MAL2: variants seen among roughly 807,000 people sequenced by gnomAD.
MAL2 encodes protein MAL2.
MAL2 carries 17 observed loss-of-function variants against 18.1 expected under a neutral mutation model. The ratio of observed to expected loss-of-function variants is 0.94; its 90% confidence interval spans 0.64 to 1.41. The LOEUF is 1.41. MAL2 is among the 40% of genes most tolerant of loss of function. MAL2 has a pLI of 0.00. For missense variants in MAL2, 222 were observed against 231.9 expected, an observed-to-expected ratio of 0.96 and a Z score of 0.28; for synonymous variants, 102 against 102.3, an observed-to-expected ratio of 1.00 and a Z score of 0.02.
chr8:119,219,511 C>T (rs545153778), intron 1 of MAL2, among the ~76,000 whole-genome samples: 15 of 145,516 alleles, frequency 1.0e-4, no homozygotes, highest in African/African-American at 3.9e-4. Flanking sequence ...TGCTCTATCA[C>T]TCTCCCTGGG....
intron 2 of MAL2, among the ~76,000 whole-genome samples, chr8:119,224,743 G>A (rs534796639): frequency 2.0e-5 from 3 of 152,106 alleles, no homozygotes; most frequent in African/African-American, 4.8e-5. Flanking sequence ...CACTCTGTAT[G>A]CCTTTGCATG....
At chr8:119,226,319 G>A (rs1037672796) in intron 2 of MAL2, among the ~76,000 whole-genome samples, 9 of 151,844 alleles carry the variant, frequency 5.9e-5, no homozygotes, top group Admixed American at 3.3e-4. Flanking sequence ...TTTTGTATAA[G>A]GTGTAAGGAA....
rs1817869890 is a variant in MAL2, at chr8:119,235,605, A to G, written c.304-4560A>G. 2.6e-5 allele frequency among the ~76,000 whole-genome samples: 4 copies of G among 152,168 alleles called. No homozygotes were observed. The South Asian group carries it at 6.2e-4, about 24-fold the overall frequency. ...TCAGACTAACAGCGGGTCTCTTGGC[A>G]GAAACCCTACAAGCCAGAAGAGAGT... On this transcript the variant is annotated intron_variant, in intron 2 of 3. Transcript: ENST00000614891.
Position 119,208,891 on chromosome 8 carries a change from G to A in MAL2, c.132+287G>A. ...CCGAACATTGGGGACGTGGAGGAAA[G>A]AAAGGTGTTGGGGCTCAGAGGCGCC... On this transcript the variant is annotated intron_variant, in intron 1 of 3. Coordinates refer to ENST00000614891, the MANE Select transcript of MAL2 (RefSeq NM_052886.3). The surrounding 1 kb of genome is among the most constrained non-coding windows in gnomAD (Gnocchi z 4.3). 1 of 279,140 alleles carries A rather than the reference G, an allele frequency of 3.6e-6. No individual in the cohort carries two copies. Among genetic ancestry groups the A allele is most frequent in the Non-Finnish European group, 6.4e-6 (1 of 156,852 alleles). The allele number at this position is 279,140 out of a possible 1,614,324, so 17.3% of individuals were successfully genotyped here. A position where few individuals can be genotyped will look rare whatever the true frequency, so the allele number is the denominator to read the frequency against.
chr8:119,226,847 T>C (rs1817607741), intron 2 of MAL2, among the ~76,000 whole-genome samples: 1 of 152,148 alleles, frequency 6.6e-6, no homozygotes, highest in Non-Finnish European at 1.5e-5. Flanking sequence ...TTAAACAAGC[T>C]CTCCAGGTGG....
intron 3 of MAL2, among the ~76,000 whole-genome samples, chr8:119,242,131 G>T (rs1175466753): frequency 1.3e-5 from 2 of 152,136 alleles, no homozygotes; most frequent in African/African-American, 4.8e-5. Flanking sequence ...TTGTATCTTG[G>T]ATCATTGAAG....
Position 119,245,038 on chromosome 8 carries a change from CAA to C in MAL2, c.*1551_*1552del, listed in dbSNP as rs1483275700. ...AGTGGCATGATCCGTGCTTAATGAT[CAA>C]GTGTTACTTATCTAATAATCCTCTA... On this transcript the variant is annotated 3_prime_UTR_variant, in exon 4 of 4. Coordinates refer to ENST00000614891, the MANE Select transcript of MAL2 (RefSeq NM_052886.3). 5.9e-5 allele frequency: 9 copies of C among 152,548 alleles called. No homozygotes were observed. The highest frequency in any genetic ancestry group is 2.2e-4 in the African/African-American group (9 of 41,414). The allele number at this position is 152,548 out of a possible 1,614,324, so 9.4% of individuals were successfully genotyped here.
chr8:119,224,732 CCA>C, intron 2 of MAL2, among the ~76,000 whole-genome samples: 3 of 152,250 alleles, frequency 2.0e-5, no homozygotes, highest in Admixed American at 2.0e-4. Flanking sequence ...GTCCATTATA[CCA>C]CTCTGTATGC....
rs115441196 is a variant in MAL2, at chr8:119,227,377, T to A, written c.303+5620T>A. ...TTGTAAAAGAAAATAAAAGAGGAAG[T>A]AAGATCAGGAAGAAAACCCAGAATG... On this transcript the variant is annotated intron_variant, in intron 2 of 3. Transcript: ENST00000614891. Among the ~76,000 whole-genome samples the A allele has an allele frequency of 1.4e-3, 215 of 152,264 alleles. 1 individual carries two copies. The highest frequency in any genetic ancestry group is 4.8e-3 in the African/African-American group (201 of 41,560).
In MAL2 at chr8:119,235,466, C is replaced by T. The variant is rs1193619782; in HGVS notation, c.304-4699C>T. Among the ~76,000 whole-genome samples, 8 of 151,738 alleles carry T rather than the reference C, an allele frequency of 5.3e-5. No homozygotes were observed. In the East Asian group the frequency reaches 9.7e-4, roughly 18 times the overall value. On this transcript the variant is annotated intron_variant, in intron 2 of 3. Transcript: ENST00000614891. ...CAGAGAATGCCACAAAGATACTCCT[C>T]GAGAAGAGCAACTCCAAGACACATA...
intron 2 of MAL2, among the ~76,000 whole-genome samples, chr8:119,239,079 AG>A (rs1408189668): frequency 6.6e-6 from 1 of 152,268 alleles, no homozygotes; most frequent in South Asian, 2.1e-4. Flanking sequence ...CAAATTTACA[AG>A]AAAAAAAAAC....
intron 2 of MAL2, among the ~76,000 whole-genome samples, chr8:119,238,306 G>A (rs1817958657): frequency 6.6e-6 from 1 of 152,110 alleles, no homozygotes; most frequent in Admixed American, 6.5e-5. Flanking sequence ...AACATTCCAT[G>A]CTCATGGGTA....
chr8:119,227,893 C>G (rs1057123510), intron 2 of MAL2, among the ~76,000 whole-genome samples: 1 of 152,146 alleles, frequency 6.6e-6, no homozygotes, highest in Non-Finnish European at 1.5e-5. Context: ...CTCAGCTTTC[C>G]TGTCTGGTGG....
chr8:119,231,972 G>C (rs1266467684), intron 2 of MAL2, among the ~76,000 whole-genome samples: 2 of 152,116 alleles, frequency 1.3e-5, no homozygotes, highest in Non-Finnish European at 2.9e-5. Context: ...TAGGAGAAAT[G>C]AGTTCAAGAG....
At chr8:119,223,779 TTTTTCTTC>T (rs1239614490) in intron 2 of MAL2, 1 of 152,174 alleles carries the variant, frequency 6.6e-6, no homozygotes, top group Non-Finnish European at 1.5e-5. Context: ...GGCTTCTCTT[TTTTTCTTC>T]TTTTGTGTGT....
At chr8:119,236,935 C>T (rs1445192754) in intron 2 of MAL2, among the ~76,000 whole-genome samples, 6 of 149,888 alleles carry the variant, frequency 4.0e-5, no homozygotes, top group Non-Finnish European at 8.9e-5. Context: ...CAAGAAATAA[C>T]TAAAATCAGA....
chr8:119,238,136 C>A (rs528615487), intron 2 of MAL2, among the ~76,000 whole-genome samples: 2 of 152,162 alleles, frequency 1.3e-5, no homozygotes, highest in Non-Finnish European at 2.9e-5. Flanking sequence ...TTCTTATATA[C>A]CAATAACATA....
At chr8:119,211,523 A>G (rs13269824) in intron 1 of MAL2, among the ~76,000 whole-genome samples, 31,964 of 152,038 alleles carry the variant, frequency 0.21, 4,156 homozygotes, top group East Asian at 0.57. Flanking sequence ...ACTTGGCTCA[A>G]AGTATTCATT....
At chr8:119,232,184 T>TTTAAAAACATGTACACGATAAATA (rs1817746254) in intron 2 of MAL2, among the ~76,000 whole-genome samples, 1 of 152,078 alleles carries the variant, frequency 6.6e-6, no homozygotes, top group South Asian at 2.1e-4. Context: ...TGTATAAATA[T>TTTAAAAACATGTACACGATAAATA]TTAAAAACAT....
Sources: allele counts gnomAD v4.1 joint callset (sites outside exome capture counted in the v4.1 genomes callset), GRCh38; gene constraint gnomAD v4.1.1; non-coding constraint Gnocchi (gnomAD v3.1); transcripts MANE v1.5; gene names NCBI Gene and HGNC (gene_info 2026-07-23, HGNC 2026-07-21).